Variants in HEXB observed in about 807,000 individuals in gnomAD.
HEXB encodes beta-hexosaminidase subunit beta.
HEXB carries 51 observed loss-of-function variants against 71.2 expected under a neutral mutation model. The ratio of observed to expected loss-of-function variants is 0.72; its 90% confidence interval spans 0.57 to 0.90. The LOEUF (loss-of-function observed/expected upper bound fraction) is 0.90, where lower values mean the gene tolerates loss of function less well. HEXB is among the 40% of genes least tolerant of loss of function. The pLI, the probability that HEXB is intolerant of heterozygous loss-of-function variation, is 0.00. For synonymous variants in HEXB, 266 were observed against 249.3 expected, an observed-to-expected ratio of 1.07 and a Z score of -0.63; for missense variants, 617 against 677.0, an observed-to-expected ratio of 0.91 and a Z score of 0.98.
At chr5:74,669,190 T>A (rs1748488832) in intron 1 of HEXB, among the ~76,000 whole-genome samples, 1 of 152,218 alleles carries the variant, frequency 6.6e-6, no homozygotes, top group Admixed American at 6.5e-5. Context: ...GAGCACTTCA[T>A]ATAGTAAATA....
chr5:74,700,866 C>A (rs1041173720), intron 5 of HEXB, among the ~76,000 whole-genome samples: 2 of 152,000 alleles, frequency 1.3e-5, no homozygotes, highest in Non-Finnish European at 2.9e-5. Context: ...CGCCATCATG[C>A]CTGGCTAATT....
chr5:74,659,305 T>C (rs1003359974), intron 1 of HEXB, among the ~76,000 whole-genome samples: 1 of 152,186 alleles, frequency 6.6e-6, no homozygotes, highest in Admixed American at 6.5e-5. Flanking sequence ...GATTTCTTAG[T>C]CTGCCCAATA....
At position 74,705,239 on chromosome 5, in the gene HEXB, G is replaced by C; in HGVS notation, c.690G>C (p.Lys230Asn). ...LKTLDAMAFNKFNVLHWHIVD... is the reference protein window; with the variant it reads ...LKTLDAMAFNNFNVLHWHIVD... ...TGCAGGATGCCATGGCTTTTAATAA[G>C]TTTAATGTTCTTCACTGGCACATAG... Residue 230 changes from lysine to asparagine, a missense_variant, in exon 6 of 14, where the codon AAG (lysine) becomes AAC (asparagine). Lys to Asn is a moderately conservative substitution (Grantham distance 94). Transcript: ENST00000261416. 1.2e-6 allele frequency: 2 copies of C among 1,610,066 alleles called. No individual in the cohort carries two copies. Among genetic ancestry groups the C allele is most frequent in the South Asian group, 2.2e-5 (2 of 91,016 alleles).
At chr5:74,683,921 A>G (rs1748787466), upstream of HEXB, among the ~76,000 whole-genome samples, 2 of 151,180 alleles carry the variant, frequency 1.3e-5, no homozygotes, top group African/African-American at 4.9e-5. Flanking sequence ...TCCGGTTTCA[A>G]GCGATTCTCC....
At chr5:74,689,874 G>T in intron 2 of HEXB, 1 of 192,582 alleles carries the variant, frequency 5.2e-6, no homozygotes, top group Non-Finnish European at 1.1e-5. Flanking sequence ...ATGCTTTTTT[G>T]CAAAATACAT....
chr5:74,646,836 G>T (rs1748010819), intron 1 of HEXB, among the ~76,000 whole-genome samples: 1 of 151,996 alleles, frequency 6.6e-6, no homozygotes, highest in Admixed American at 6.5e-5. Context: ...CAAAGTGCTG[G>T]GATTACAGGC....
At chr5:74,695,606 C>T (rs896047157) in intron 3 of HEXB, among the ~76,000 whole-genome samples, 8 of 150,736 alleles carry the variant, frequency 5.3e-5, no homozygotes, top group African/African-American at 1.9e-4. Context: ...TTTGGGAGGC[C>T]GAGGTGGGTG....
chr5:74,655,492 G>T (rs1357341913), intron 1 of HEXB, among the ~76,000 whole-genome samples: 1 of 150,092 alleles, frequency 6.7e-6, no homozygotes, highest in Non-Finnish European at 1.5e-5. Context: ...TTGTTTTTTT[G>T]TTTGTTTTTT....
chr5:74,670,624 A>G (rs1748516485), intron 1 of HEXB, among the ~76,000 whole-genome samples: 1 of 152,212 alleles, frequency 6.6e-6, no homozygotes, highest in African/African-American at 2.4e-5. Flanking sequence ...AGATGCTAAC[A>G]GAACTGTTAA....
At chr5:74,698,193 T>C (rs1749159764) in intron 5 of HEXB, among the ~76,000 whole-genome samples, 1 of 151,736 alleles carries the variant, frequency 6.6e-6, no homozygotes, top group South Asian at 2.1e-4. Flanking sequence ...TTCTCCTGCC[T>C]CAGCCTCCTG....
upstream of HEXB, among the ~76,000 whole-genome samples, chr5:74,683,317 T>G (rs115261965): frequency 0.022 from 3,393 of 152,004 alleles, 130 homozygotes; most frequent in African/African-American, 0.078. Context: ...TTTTTTTTTC[T>G]TTCTGAGACA....
At chr5:74,642,582 G>T (rs1747921913) in intron 1 of HEXB, among the ~76,000 whole-genome samples, 1 of 152,196 alleles carries the variant, frequency 6.6e-6, no homozygotes, top group African/African-American at 2.4e-5. Flanking sequence ...ACACCTCCTA[G>T]ACCCACTCTG....
intron 3 of HEXB, among the ~76,000 whole-genome samples, chr5:74,695,446 A>C (rs1580382719): frequency 6.6e-6 from 1 of 150,638 alleles, no homozygotes; most frequent in Non-Finnish European, 1.5e-5. Context: ...CTCGTGATCC[A>C]CCTGCCTTGG....
intron 1 of HEXB, among the ~76,000 whole-genome samples, chr5:74,679,741 A>C (rs1445416504): frequency 7.2e-6 from 1 of 139,286 alleles, no homozygotes; most frequent in Non-Finnish European, 1.5e-5. Flanking sequence ...CAGAGGTTGC[A>C]GTGATCCGAG....
intron 1 of HEXB, among the ~76,000 whole-genome samples, chr5:74,677,762 T>G (rs1748662826): frequency 6.6e-6 from 1 of 152,084 alleles, no homozygotes; most frequent in Admixed American, 6.5e-5. Context: ...TTAAAAGGAT[T>G]AATTATATAG....
intron 5 of HEXB, among the ~76,000 whole-genome samples, chr5:74,698,632 C>T (rs181922363): frequency 2.8e-4 from 43 of 151,848 alleles, no homozygotes; most frequent in Admixed American, 4.6e-4. Flanking sequence ...CCTTGTGATC[C>T]GCCTGCCTCA....
At chr5:74,661,557 GTGTGTGTC>G (rs1012025269) in intron 1 of HEXB, among the ~76,000 whole-genome samples, 9 of 77,726 alleles carry the variant, frequency 1.2e-4, no homozygotes, top group East Asian at 7.9e-4. Context: ...GTGTGTGTGT[GTGTGTGTC>G]TCTCTCTCTC....
chr5:74,670,020 G>A (rs775915022), intron 1 of HEXB, among the ~76,000 whole-genome samples: 5 of 152,150 alleles, frequency 3.3e-5, no homozygotes, highest in Non-Finnish European at 7.3e-5. Context: ...GGTCCCCAGT[G>A]AAACCTGACC....
At chr5:74,693,250 C>G (rs1175002104) in intron 2 of HEXB, among the ~76,000 whole-genome samples, 1 of 152,208 alleles carries the variant, frequency 6.6e-6, no homozygotes, top group Non-Finnish European at 1.5e-5. Flanking sequence ...AAACTCTTAG[C>G]TTAACTAGGA....
Sources: allele counts gnomAD v4.1 joint callset (sites outside exome capture counted in the v4.1 genomes callset), GRCh38; gene constraint gnomAD v4.1.1; transcripts MANE v1.5; gene names NCBI Gene and HGNC (gene_info 2026-07-23, HGNC 2026-07-21).